Variants in CMTM7 observed in about 807,000 individuals in gnomAD.
CMTM7 encodes the protein CKLF like MARVEL transmembrane domain containing 7, also known as CKLF-like MARVEL transmembrane domain-containing protein 7.
Under a neutral mutation model 19.3 loss-of-function variants are expected in CMTM7, and 7 were observed. The ratio of observed to expected loss-of-function variants is 0.36; its 90% CI spans 0.21 to 0.68. The LOEUF is 0.68. CMTM7 is among the 30% of genes least tolerant of loss of function. The probability of loss-of-function intolerance (pLI) is 0.60; values close to 1 mark genes in which losing one functional copy is unlikely to be tolerated. For missense variants in CMTM7, 193 were observed against 232.6 expected (o/e 0.83, Z 1.11); for synonymous variants, 87 against 99.3 (o/e 0.88, Z 0.74).
chr3:32,421,265 G>A (rs1313243749), intron 1 of CMTM7, among the ~76,000 whole-genome samples: 2 of 151,632 alleles, frequency 1.3e-5, no homozygotes, highest in African/African-American at 4.8e-5. Context: ...ACCTTCACTG[G>A]CTCCCCATCG....
At chr3:32,409,100 C>CT (rs1337895100) in intron 1 of CMTM7, among the ~76,000 whole-genome samples, 1 of 152,004 alleles carries the variant, frequency 6.6e-6, no homozygotes, top group East Asian at 1.9e-4. Flanking sequence ...CCAGGATGGT[C>CT]TCCATCTCTT....
At chr3:32,431,271 A>C (rs1696514362) in intron 1 of CMTM7, among the ~76,000 whole-genome samples, 1 of 152,258 alleles carries the variant, frequency 6.6e-6, no homozygotes. Context: ...AAACATGGAA[A>C]GAAATACCTC....
At chr3:32,440,351 A>G (rs1696657364) in intron 1 of CMTM7, among the ~76,000 whole-genome samples, 2 of 152,008 alleles carry the variant, frequency 1.3e-5, no homozygotes, top group African/African-American at 4.8e-5. Flanking sequence ...AGTTGCAGTG[A>G]GCCAAGATCA....
At chr3:32,401,949 C>G (rs919944037) in intron 1 of CMTM7, among the ~76,000 whole-genome samples, 2 of 152,202 alleles carry the variant, frequency 1.3e-5, no homozygotes, top group Non-Finnish European at 2.9e-5. Context: ...TTCTCAGCCT[C>G]CTGCAGAAAA....
intron 2 of CMTM7, among the ~76,000 whole-genome samples, chr3:32,448,738 C>T (rs533425664): frequency 4.2e-4 from 63 of 150,316 alleles, no homozygotes; most frequent in African/African-American, 1.3e-3. Context: ...AGAGCTTGGC[C>T]GGGAGGGCAC....
intron 2 of CMTM7, among the ~76,000 whole-genome samples, chr3:32,446,844 A>G (rs926589880): frequency 6.6e-6 from 1 of 152,196 alleles, no homozygotes; most frequent in African/African-American, 2.4e-5. Context: ...TTCAGAAAGT[A>G]GAAGCTCCCT....
At chr3:32,410,157 C>T (rs1696150969) in intron 1 of CMTM7, among the ~76,000 whole-genome samples, 1 of 152,182 alleles carries the variant, frequency 6.6e-6, no homozygotes, top group Non-Finnish European at 1.5e-5. Flanking sequence ...CACCCTGCTA[C>T]CATCACTCTA....
intron 3 of CMTM7, among the ~76,000 whole-genome samples, chr3:32,450,331 C>G (rs1042293334): frequency 6.6e-6 from 1 of 152,030 alleles, no homozygotes; most frequent in Non-Finnish European, 1.5e-5. Flanking sequence ...CCCAGGCACT[C>G]GGCAGGAATG....
intron 1 of CMTM7, among the ~76,000 whole-genome samples, chr3:32,421,782 G>C (rs1182703935): frequency 6.6e-6 from 1 of 152,086 alleles, no homozygotes; most frequent in Non-Finnish European, 1.5e-5. Flanking sequence ...TATCCTATTT[G>C]TTCCTCCCAA....
chr3:32,424,998 G>GA (rs1490669539), intron 1 of CMTM7, among the ~76,000 whole-genome samples: 1 of 152,208 alleles, frequency 6.6e-6, no homozygotes, highest in South Asian at 2.1e-4. Flanking sequence ...AAAAAACGTA[G>GA]AAAAAACATA....
chr3:32,448,958 C>T (rs942724715), intron 2 of CMTM7, among the ~76,000 whole-genome samples: 1 of 152,206 alleles, frequency 6.6e-6, no homozygotes, highest in Non-Finnish European at 1.5e-5. Context: ...TGGGCTGACA[C>T]TCCCATCAGT....
At chr3:32,406,133 C>T (rs1336904716) in intron 1 of CMTM7, among the ~76,000 whole-genome samples, 1 of 152,228 alleles carries the variant, frequency 6.6e-6, no homozygotes, top group Non-Finnish European at 1.5e-5. Context: ...TATTACCTAA[C>T]TTTCTGACTT....
intron 1 of CMTM7, among the ~76,000 whole-genome samples, chr3:32,402,112 G>GT (rs933449430): frequency 4.6e-5 from 7 of 152,036 alleles, no homozygotes; most frequent in Non-Finnish European, 1.0e-4. Context: ...TTTGGTTTTG[G>GT]TTTTTTTGAG....
intron 2 of CMTM7, among the ~76,000 whole-genome samples, chr3:32,442,249 G>T (rs148121251): frequency 8.2e-4 from 125 of 151,620 alleles, no homozygotes; most frequent in African/African-American, 2.8e-3. Context: ...GGTGGCTCAC[G>T]CTGGTAATCC....
At chr3:32,424,241 C>T (rs1443418470) in intron 1 of CMTM7, among the ~76,000 whole-genome samples, 1 of 152,172 alleles carries the variant, frequency 6.6e-6, no homozygotes, top group Non-Finnish European at 1.5e-5. Context: ...CTCCAGTGCT[C>T]TAAGCCTCTC....
At chr3:32,446,652 T>A (rs997692467) in intron 2 of CMTM7, among the ~76,000 whole-genome samples, 6 of 151,912 alleles carry the variant, frequency 3.9e-5, no homozygotes, top group African/African-American at 1.5e-4. Context: ...TAGTGGGAGG[T>A]GTTTGGATCA....
At chr3:32,428,283 G>A (rs895808070) in intron 1 of CMTM7, among the ~76,000 whole-genome samples, 2 of 152,184 alleles carry the variant, frequency 1.3e-5, no homozygotes, top group Non-Finnish European at 2.9e-5. Flanking sequence ...TGGCCAGAGT[G>A]CAGCCTCAGT....
chr3:32,453,060 C>T (rs1022215596), intron 4 of CMTM7, among the ~76,000 whole-genome samples: 8 of 150,986 alleles, frequency 5.3e-5, no homozygotes, highest in Non-Finnish European at 1.2e-4. Context: ...CATGAACCAC[C>T]GCACCCAGCC....
At chr3:32,444,636 A>C (rs1347307532) in intron 2 of CMTM7, among the ~76,000 whole-genome samples, 1 of 152,238 alleles carries the variant, frequency 6.6e-6, no homozygotes, top group African/African-American at 2.4e-5. Context: ...CAATTTGGAG[A>C]ATATTGCTAT....
Sources: gnomAD v4.1 joint callset for allele counts (sites outside exome capture counted in the v4.1 genomes callset) on GRCh38, gnomAD v4.1.1 for gene constraint, MANE v1.5 for transcripts, NCBI Gene and HGNC (gene_info 2026-07-23, HGNC 2026-07-21) for gene names.